The following DMD variants were observed in gnomAD, a reference collection of about 807,000 sequenced individuals.
The protein encoded by DMD is mutant dystrophin.
In DMD, 63 loss-of-function variants were observed where a neutral mutation model predicts 330.1. That is an observed-to-expected ratio of 0.19 (90% CI 0.16 to 0.24). The LOEUF (loss-of-function observed/expected upper bound fraction) is 0.24, where lower values mean the gene tolerates loss of function less well. Among genes scored for constraint, DMD ranks in the 10% least tolerant of loss-of-function variants. The pLI is 1.00. For missense variants in DMD, 3,344 were observed against 2,684.1 expected, an observed-to-expected ratio of 1.25 and a Z score of -5.43; for synonymous variants, 1,223 against 959.8, an observed-to-expected ratio of 1.27 and a Z score of -5.07.
chrX:32,995,618 C>G (rs1275825083), intron 2 of DMD, among the ~76,000 whole-genome samples: 1 of 112,054 alleles, frequency 8.9e-6, no homozygotes, highest in African/African-American at 3.2e-5. Flanking sequence ...CGGAAGAAGG[C>G]TGGGATCCTG....
intron 44 of DMD, among the ~76,000 whole-genome samples, chrX:32,086,548 G>C (rs1035330721): frequency 9.0e-6 from 1 of 111,201 alleles, no homozygotes; most frequent in Non-Finnish European, 1.9e-5. Context: ...TGTTGGGTGG[G>C]GGGGAAGAAG....
At chrX:33,230,555 T>C (rs1307648792) in intron 1 of DMD, among the ~76,000 whole-genome samples, 1 of 111,601 alleles carries the variant, frequency 9.0e-6, no homozygotes, top group Admixed American at 9.6e-5. Flanking sequence ...TATAATATTC[T>C]TTTAATATCT....
chrX:33,221,235 C>T (rs956586308), intron 1 of DMD, among the ~76,000 whole-genome samples: 1 of 111,287 alleles, frequency 9.0e-6, no homozygotes, highest in Non-Finnish European at 1.9e-5. Context: ...CAGGTCCCTG[C>T]CCTCAAATAG....
chrX:31,441,966 T>C (rs1275489916), intron 60 of DMD, among the ~76,000 whole-genome samples: 3 of 112,300 alleles, frequency 2.7e-5, no homozygotes, highest in Non-Finnish European at 5.6e-5. Flanking sequence ...TAAGCATATC[T>C]TTAAGGTCAT....
intron 29 of DMD, among the ~76,000 whole-genome samples, chrX:32,435,260 T>A (rs751172357): frequency 1.6e-5 from 1 of 64,178 alleles, no homozygotes; most frequent in East Asian, 9.6e-4. Context: ...ATTTACATAT[T>A]TTAATATATA....
intron 56 of DMD, among the ~76,000 whole-genome samples, chrX:31,501,954 C>G (rs1166708105): frequency 1.8e-5 from 2 of 110,958 alleles, no homozygotes; most frequent in African/African-American, 6.5e-5. Flanking sequence ...CTAGAGAACC[C>G]AAAAACGAAT....
chrX:32,690,465 T>A (rs975489941), intron 9 of DMD, among the ~76,000 whole-genome samples: 1 of 111,584 alleles, frequency 9.0e-6, no homozygotes, highest in African/African-American at 3.3e-5. Context: ...AAAATTCCAA[T>A]GGCATTTTTC....
intron 2 of DMD, among the ~76,000 whole-genome samples, chrX:32,912,030 G>GGAGA (rs58167255): frequency 1.1e-3 from 72 of 64,722 alleles, no homozygotes; most frequent in Non-Finnish European, 1.8e-3. Context: ...GGAGAGAAGG[G>GGAGA]GAGAGAGAGA....
intron 16 of DMD, among the ~76,000 whole-genome samples, chrX:32,547,214 A>G (rs781407849): frequency 9.0e-6 from 1 of 111,464 alleles, no homozygotes; most frequent in East Asian, 2.8e-4. Context: ...TCATGCAGTT[A>G]TATCCAATCT....
chrX:32,426,192 C>G (rs2098212023), intron 29 of DMD, among the ~76,000 whole-genome samples: 1 of 111,689 alleles, frequency 9.0e-6, no homozygotes, highest in African/African-American at 3.3e-5. Context: ...ACAGAGTAAA[C>G]AGACAAACTA....
chrX:33,050,746 A>G (rs2765391), intron 1 of DMD, among the ~76,000 whole-genome samples: 56,176 of 111,024 alleles, frequency 0.51, 10,589 homozygotes, highest in Non-Finnish European at 0.6. Flanking sequence ...AAAACAAGAC[A>G]CAGCTATAAG....
intron 64 of DMD, among the ~76,000 whole-genome samples, chrX:31,210,893 T>C (rs918626815): frequency 7.1e-5 from 8 of 112,353 alleles, no homozygotes; most frequent in African/African-American, 1.6e-4. Flanking sequence ...TTTCCACCTA[T>C]ATTGCGCACA....
At chrX:32,750,239 T>C (rs2070637197) in intron 7 of DMD, among the ~76,000 whole-genome samples, 1 of 112,060 alleles carries the variant, frequency 8.9e-6, no homozygotes, top group Admixed American at 9.5e-5. Context: ...AACTGAATCA[T>C]GTCTATCATT....
chrX:31,410,921 GTTTTT>G (rs758238229), intron 60 of DMD, among the ~76,000 whole-genome samples: 1 of 59,802 alleles, frequency 1.7e-5, no homozygotes, highest in Non-Finnish European at 2.9e-5. Flanking sequence ...CTGTGTGTGT[GTTTTT>G]TTTTTTTTTT....
At chrX:32,542,836 T>C (rs1007705428) in intron 17 of DMD, among the ~76,000 whole-genome samples, 1 of 112,165 alleles carries the variant, frequency 8.9e-6, no homozygotes. Flanking sequence ...ATATAGCGTG[T>C]TCAGATAATT....
chrX:32,243,811 A>G (rs752096553), intron 43 of DMD, among the ~76,000 whole-genome samples: 1 of 111,572 alleles, frequency 9.0e-6, no homozygotes, highest in South Asian at 3.8e-4. Context: ...AATGTACACA[A>G]AAGAAGAGGT....
intron 7 of DMD, among the ~76,000 whole-genome samples, chrX:32,791,694 CA>C (rs1411787532): frequency 9.0e-6 from 1 of 111,429 alleles, no homozygotes; most frequent in African/African-American, 3.3e-5. Flanking sequence ...CAAAAAATAA[CA>C]AAAAATTTTA....
intron 2 of DMD, among the ~76,000 whole-genome samples, chrX:32,998,089 G>A (rs186091830): frequency 0.042 from 4,611 of 109,954 alleles, 114 homozygotes; most frequent in Middle Eastern, 0.085. Context: ...GGCTAGATGC[G>A]GTGGCTCACA....
intron 67 of DMD, among the ~76,000 whole-genome samples, chrX:31,197,880 A>G (rs1048469574): frequency 2.7e-5 from 3 of 111,216 alleles, no homozygotes; most frequent in Non-Finnish European, 5.6e-5. Context: ...AATGTACTAT[A>G]AACACATAAT....
Sources: allele counts gnomAD v4.1 joint callset (sites outside exome capture counted in the v4.1 genomes callset), GRCh38; gene constraint gnomAD v4.1.1; transcripts MANE v1.5; gene names NCBI Gene and HGNC (gene_info 2026-07-23, HGNC 2026-07-21).